Variants in GPALPP1 observed in about 807,000 individuals in gnomAD.
GPALPP1 encodes the protein GPALPP motifs-containing protein 1.
Under a neutral mutation model 38.9 loss-of-function variants are expected in GPALPP1, and 30 were observed. The ratio of observed to expected loss-of-function variants is 0.77; its 90% CI spans 0.58 to 1.05. GPALPP1 has a LOEUF of 1.05. GPALPP1 is among the 50% of genes least tolerant of loss of function. The pLI, the probability that GPALPP1 is intolerant of heterozygous loss-of-function variation, is 0.00. For missense variants in GPALPP1, 384 were observed against 408.8 expected (o/e 0.94, Z 0.52); for synonymous variants, 120 against 139.2 (o/e 0.86, Z 0.97).
chr13:45,012,715 T>A (rs56154989), intron 4 of GPALPP1, among the ~76,000 whole-genome samples: 8,685 of 152,184 alleles, frequency 0.057, 386 homozygotes, highest in East Asian at 0.12. Flanking sequence ...ATATGTGAGG[T>A]GTTCTTGCTC....
chr13:44,998,293 A>G (rs1027274676), intron 1 of GPALPP1, among the ~76,000 whole-genome samples: 1 of 152,244 alleles, frequency 6.6e-6, no homozygotes, highest in East Asian at 1.9e-4. Flanking sequence ...CATTTAACCA[A>G]AACATTCAAA....
chr13:45,004,538 A>G (rs1873937703), intron 2 of GPALPP1, 101 bp downstream of exon 2: 1 of 722,536 alleles, frequency 1.4e-6, no homozygotes, highest in Non-Finnish European at 2.4e-6. Context: ...TTCCATTTAT[A>G]CAGCACAGGG....
In GPALPP1 at chr13:45,029,799, T is replaced by A. The variant is rs553346868; in HGVS notation, c.*1796T>A. ...GCTTTTTATTTGTTATTTAATTTTT[T>A]AATTGTTTTTAAGTCAGAAAGATCT... On this transcript the variant is annotated 3_prime_UTR_variant, in exon 8 of 8. Coordinates refer to ENST00000379151, the MANE Select transcript of GPALPP1 (RefSeq NM_018559.5). The A allele has an allele frequency of 6.6e-6, 1 of 152,360 alleles. No individual in the cohort carries two copies. Among genetic ancestry groups the A allele is most frequent in the East Asian group, 1.9e-4 (1 of 5,190 alleles). The allele number at this position is 152,360 out of a possible 1,614,324, so 9.4% of individuals were successfully genotyped here.
chr13:45,013,830 G>T (rs1008676109), intron 4 of GPALPP1, among the ~76,000 whole-genome samples: 1 of 152,038 alleles, frequency 6.6e-6, no homozygotes, highest in Non-Finnish European at 1.5e-5. Context: ...AACTGGTAAG[G>T]TACCTAATTT....
rs1875984796 is a variant in GPALPP1 at position 45,028,247 on chromosome 13, A to G, written c.*244A>G. 1 of 216,258 alleles carries G rather than the reference A, an allele frequency of 4.6e-6. No individual in the cohort carries two copies. Among genetic ancestry groups the G allele is most frequent in the South Asian group, 1.5e-4 (1 of 6,790 alleles). 13.4% of individuals were successfully genotyped at this position (216,258 alleles called of 1,614,324 possible). On this transcript the variant is annotated 3_prime_UTR_variant, in exon 8 of 8. Transcript: ENST00000379151. Reference sequence around the variant, plus strand: ...TGCTATTAAAAATGCTAAAATAAAAATTCAGCTTATGAGAAATGGCAAAGG... The same window carrying G: ...TGCTATTAAAAATGCTAAAATAAAAGTTCAGCTTATGAGAAATGGCAAAGG...
rs1353358452 is a variant in GPALPP1, at chr13:45,028,637, T to C, written c.*634T>C. Reference sequence around the variant, plus strand: ...CAGGTGCAGTGGAGCACACCTATAGTCCCAGCTACTCAGCAGGCTGAGGTG... The same window carrying C: ...CAGGTGCAGTGGAGCACACCTATAGCCCCAGCTACTCAGCAGGCTGAGGTG... On this transcript the variant is annotated 3_prime_UTR_variant, in exon 8 of 8. Transcript: ENST00000379151. 1 of 152,254 alleles carries C rather than the reference T, an allele frequency of 6.6e-6. No individual in the cohort carries two copies. Among genetic ancestry groups the C allele is most frequent in the Non-Finnish European group, 1.5e-5 (1 of 68,288 alleles). 9.4% of individuals were successfully genotyped at this position (152,254 alleles called of 1,614,324 possible).
At chr13:44,989,779 C>T in intron 1 of GPALPP1, 37 bp downstream of exon 1, 1 of 1,482,518 alleles carries the variant, frequency 6.7e-7, no homozygotes, top group Non-Finnish European at 9.3e-7. Flanking sequence ...CCAGGCCCAT[C>T]TACCCACTCC....
At chr13:45,026,456 G>A (rs1462789065) in intron 7 of GPALPP1, among the ~76,000 whole-genome samples, 1 of 152,016 alleles carries the variant, frequency 6.6e-6, no homozygotes, top group East Asian at 1.9e-4. Context: ...AAATAAATGT[G>A]TTAATGACCA....
intron 1 of GPALPP1, among the ~76,000 whole-genome samples, chr13:45,001,494 C>T (rs1017750826): frequency 1.3e-5 from 2 of 152,082 alleles, no homozygotes; most frequent in Admixed American, 1.3e-4. Flanking sequence ...CTCTCCCCTC[C>T]CAGCCTATTT....
intron 7 of GPALPP1, among the ~76,000 whole-genome samples, chr13:45,022,400 C>T (rs1005543925): frequency 6.6e-6 from 1 of 151,732 alleles, no homozygotes; most frequent in Admixed American, 6.6e-5. Flanking sequence ...AATATTTATG[C>T]ATTTTATCAT....
chr13:45,009,295 A>T (rs2137978656), intron 4 of GPALPP1, among the ~76,000 whole-genome samples: 1 of 152,200 alleles, frequency 6.6e-6, no homozygotes, highest in East Asian at 1.9e-4. Flanking sequence ...ATCTGTGTAT[A>T]AAAAAATGCA....
Position 45,029,338 on chromosome 13 carries a change from T to TA in GPALPP1, c.*1341dup, listed in dbSNP as rs1226829311. On this transcript the variant is annotated 3_prime_UTR_variant, in exon 8 of 8. Transcript: ENST00000379151. ...TTAAGATTAGAGATTACTTTAATCTTAAAAAACATACAAATTTACCTTGTT... is the reference window on the plus strand; with the variant it reads ...TTAAGATTAGAGATTACTTTAATCTTAAAAAAACATACAAATTTACCTTGTT... 6.6e-6 allele frequency: 1 copy of TA among 152,196 alleles called. No individual in the cohort carries two copies. The highest frequency in any genetic ancestry group is 1.5e-5 in the Non-Finnish European group (1 of 68,034). The allele number at this position is 152,196 out of a possible 1,614,324, so 9.4% of individuals were successfully genotyped here.
chr13:45,032,796 G>A (rs1876264810), downstream of GPALPP1, among the ~76,000 whole-genome samples: 1 of 151,086 alleles, frequency 6.6e-6, no homozygotes. Flanking sequence ...AGCACTTTGG[G>A]AGGCCAAGGC....
At chr13:45,024,205 GTGTT>G (rs1262712307) in intron 7 of GPALPP1, among the ~76,000 whole-genome samples, 2 of 61,890 alleles carry the variant, frequency 3.2e-5, no homozygotes, top group Non-Finnish European at 3.0e-5. Flanking sequence ...GTGTGTGTGT[GTGTT>G]TTGAGACTGA....
chr13:45,026,319 G>A (rs930850637), intron 7 of GPALPP1, among the ~76,000 whole-genome samples: 19 of 152,094 alleles, frequency 1.2e-4, no homozygotes, highest in African/African-American at 3.9e-4. Flanking sequence ...CTGCTAAAAC[G>A]TTATGGCTCC....
intron 1 of GPALPP1, among the ~76,000 whole-genome samples, chr13:44,996,631 C>T (rs1873298403): frequency 6.6e-6 from 1 of 151,716 alleles, no homozygotes; most frequent in African/African-American, 2.4e-5. Flanking sequence ...TACGGGGATG[C>T]ACCCTCACAT....
chr13:45,000,301 A>G (rs1873579939), intron 1 of GPALPP1, among the ~76,000 whole-genome samples: 1 of 152,200 alleles, frequency 6.6e-6, no homozygotes, highest in Non-Finnish European at 1.5e-5. Flanking sequence ...ATGGTGGCAA[A>G]CACCTGTAGT....
intron 7 of GPALPP1, among the ~76,000 whole-genome samples, chr13:45,022,692 T>G (rs972371026): frequency 6.6e-5 from 10 of 152,150 alleles, no homozygotes. Flanking sequence ...AAGTAGAAGT[T>G]TGACATTAGT....
chr13:45,034,281 A>C (rs1460932693), downstream of GPALPP1: 1 of 152,252 alleles, frequency 6.6e-6, no homozygotes, highest in Non-Finnish European at 1.5e-5. Context: ...AGTAAAGCAG[A>C]TTCCTTGATT....
Sources: allele counts gnomAD v4.1 joint callset (sites outside exome capture counted in the v4.1 genomes callset), GRCh38; gene constraint gnomAD v4.1.1; transcripts MANE v1.5; gene names NCBI Gene and HGNC (gene_info 2026-07-23, HGNC 2026-07-21).